The following AFG1L variants were observed in gnomAD, a reference collection of about 807,000 sequenced individuals.
AFG1L encodes AFG1-like ATPase.
In AFG1L, 53 loss-of-function variants were observed where a neutral mutation model predicts 62.2. The observed-to-expected ratio is 0.85, with a 90% CI of 0.68 to 1.07. AFG1L has a LOEUF of 1.07. Ranked by LOEUF, AFG1L falls within the 50% of genes least tolerant of loss-of-function variation. The pLI, the probability that AFG1L is intolerant of heterozygous loss-of-function variation, is 0.00. For synonymous variants in AFG1L, 228 were observed against 210.3 expected (o/e 1.08, Z -0.73); for missense variants, 555 against 590.5 (o/e 0.94, Z 0.62).
At chr6:108,391,055 T>G (rs1291419443) in intron 6 of AFG1L, among the ~76,000 whole-genome samples, 1 of 152,238 alleles carries the variant, frequency 6.6e-6, no homozygotes, top group Non-Finnish European at 1.5e-5. Context: ...TTTTTGCAAT[T>G]GCGAATTGTG....
chr6:108,451,743 G>C (rs1482372492), intron 8 of AFG1L, among the ~76,000 whole-genome samples: 1 of 152,000 alleles, frequency 6.6e-6, no homozygotes, highest in Non-Finnish European at 1.5e-5. Flanking sequence ...GGGACACGGA[G>C]TCTTGCTCTG....
chr6:108,343,581 A>G (rs1392888276), intron 2 of AFG1L, among the ~76,000 whole-genome samples: 1 of 152,220 alleles, frequency 6.6e-6, no homozygotes, highest in Non-Finnish European at 1.5e-5. Flanking sequence ...TATTTCACAT[A>G]CATAGAATAT....
chr6:108,436,557 G>A (rs181340984), intron 7 of AFG1L, among the ~76,000 whole-genome samples: 148 of 152,328 alleles, frequency 9.7e-4, no homozygotes, highest in African/African-American at 3.5e-3. Context: ...GGCAACAGAT[G>A]TAGGATTTTG....
intron 2 of AFG1L, among the ~76,000 whole-genome samples, chr6:108,339,371 C>A (rs1049258194): frequency 2.0e-5 from 3 of 151,886 alleles, no homozygotes; most frequent in African/African-American, 7.3e-5. Flanking sequence ...AACTCTTGGC[C>A]TCGAGTGATC....
chr6:108,374,896 C>T (rs2114530593), intron 6 of AFG1L, among the ~76,000 whole-genome samples: 1 of 152,260 alleles, frequency 6.6e-6, no homozygotes, highest in South Asian at 2.1e-4. Flanking sequence ...ATAGGAATAG[C>T]ATTGAATTCA....
intron 7 of AFG1L, among the ~76,000 whole-genome samples, chr6:108,442,483 G>T (rs1014410044): frequency 2.6e-5 from 4 of 152,064 alleles, no homozygotes; most frequent in African/African-American, 9.7e-5. Context: ...TGGGGAGTTG[G>T]GTTTGGACAA....
At chr6:108,385,003 GA>G (rs1478001198) in intron 6 of AFG1L, among the ~76,000 whole-genome samples, 1 of 152,052 alleles carries the variant, frequency 6.6e-6, no homozygotes, top group Non-Finnish European at 1.5e-5. Context: ...GAATGAGGCA[GA>G]AAAACTTTTG....
intron 11 of AFG1L, among the ~76,000 whole-genome samples, chr6:108,518,721 T>C (rs1229233659): frequency 6.6e-6 from 1 of 152,234 alleles, no homozygotes; most frequent in Non-Finnish European, 1.5e-5. Flanking sequence ...TTCCAATATA[T>C]GATCACATAT....
chr6:108,478,300 T>A (rs913367216), intron 10 of AFG1L, among the ~76,000 whole-genome samples: 2 of 152,052 alleles, frequency 1.3e-5, no homozygotes, highest in African/African-American at 2.4e-5. Context: ...AGCCGGGCGT[T>A]GTGGCGGGCG....
intron 1 of AFG1L, chr6:108,319,740 C>T: frequency 2.4e-6 from 1 of 413,372 alleles, no homozygotes; most frequent in South Asian, 1.8e-5. Context: ...TCCCAAGTAG[C>T]TGGGACTACA....
chr6:108,434,533 T>G (rs1031730777), intron 7 of AFG1L, among the ~76,000 whole-genome samples: 3 of 152,212 alleles, frequency 2.0e-5, no homozygotes, highest in Admixed American at 2.0e-4. Flanking sequence ...CTATTGCTTT[T>G]CTAGGCTACT....
chr6:108,357,957 G>A (rs1779359347), intron 5 of AFG1L, among the ~76,000 whole-genome samples: 1 of 152,136 alleles, frequency 6.6e-6, no homozygotes, highest in Non-Finnish European at 1.5e-5. Flanking sequence ...TGGGGAAGAG[G>A]GATCTTTGCT....
intron 10 of AFG1L, among the ~76,000 whole-genome samples, chr6:108,509,412 A>C (rs1002649437): frequency 7.2e-5 from 11 of 152,334 alleles, no homozygotes; most frequent in African/African-American, 2.6e-4. Flanking sequence ...TTAAACTAAA[A>C]ATAATTTCTG....
At chr6:108,344,777 G>A (rs1003056148) in intron 2 of AFG1L, 3 of 470,968 alleles carry the variant, frequency 6.4e-6, no homozygotes, top group East Asian at 6.9e-5. Context: ...TTGCACAGGT[G>A]TTAGGAACTG....
chr6:108,416,648 A>G (rs573039390), intron 7 of AFG1L, among the ~76,000 whole-genome samples: 20 of 152,308 alleles, frequency 1.3e-4, no homozygotes, highest in African/African-American at 4.6e-4. Context: ...GCTGGAAACC[A>G]TCATTCTGAG....
intron 7 of AFG1L, among the ~76,000 whole-genome samples, chr6:108,432,190 A>G (rs35289174): frequency 0.36 from 54,521 of 151,766 alleles, 10,144 homozygotes; most frequent in Non-Finnish European, 0.42. Context: ...CTTATTTACA[A>G]TATGGGTTGG....
At chr6:108,463,377 A>G (rs1056436640) in intron 8 of AFG1L, among the ~76,000 whole-genome samples, 5 of 147,728 alleles carry the variant, frequency 3.4e-5, no homozygotes, top group Non-Finnish European at 6.0e-5. Flanking sequence ...AAGAGAGGTT[A>G]GAGCTTTTTA....
At chr6:108,350,515 A>G (rs1166195403) in intron 3 of AFG1L, among the ~76,000 whole-genome samples, 1 of 152,192 alleles carries the variant, frequency 6.6e-6, no homozygotes, top group Non-Finnish European at 1.5e-5. Flanking sequence ...GAACTGCAGT[A>G]GGGTTGATGT....
chr6:108,425,375 G>A (rs1770765890), intron 7 of AFG1L, among the ~76,000 whole-genome samples: 1 of 152,066 alleles, frequency 6.6e-6, no homozygotes, highest in Admixed American at 6.6e-5. Flanking sequence ...GCCCCATACT[G>A]GTGTATGCTA....
Sources: gnomAD v4.1 joint callset for allele counts (sites outside exome capture counted in the v4.1 genomes callset) on GRCh38, gnomAD v4.1.1 for gene constraint, MANE v1.5 for transcripts, NCBI Gene and HGNC (gene_info 2026-07-23, HGNC 2026-07-21) for gene names.